The following LRRC49 variants were observed in gnomAD, a reference collection of about 807,000 sequenced individuals.
LRRC49 encodes the protein leucine-rich repeat-containing protein 49.
Under a neutral mutation model 83.3 loss-of-function variants are expected in LRRC49, and 50 were observed. That is an observed-to-expected ratio of 0.60 (90% CI 0.48 to 0.76). LRRC49 has a LOEUF of 0.76. Ranked by LOEUF, LRRC49 falls within the 30% of genes least tolerant of loss-of-function variation. The pLI is 0.00. For missense variants in LRRC49, 704 were observed against 809.1 expected (o/e 0.87, Z 1.58); for synonymous variants, 286 against 283.3 (o/e 1.01, Z -0.10).
chr15:71,026,937 T>C (rs2039192502), intron 14 of LRRC49, among the ~76,000 whole-genome samples: 10 of 152,220 alleles, frequency 6.6e-5, no homozygotes, highest in Admixed American at 6.5e-4. Context: ...GCAGAAGCTC[T>C]ATAGTTTGAT....
intron 2 of LRRC49, chr15:70,873,276 A>T: frequency 6.6e-7 from 1 of 1,514,732 alleles, no homozygotes; most frequent in Non-Finnish European, 8.9e-7. Context: ...ATACTCTGCT[A>T]TCCCCTCACT....
chr15:70,972,257 G>T (rs1236975151), intron 9 of LRRC49, among the ~76,000 whole-genome samples: 1 of 152,102 alleles, frequency 6.6e-6, no homozygotes, highest in Non-Finnish European at 1.5e-5. Flanking sequence ...TAGTTTGGCT[G>T]GATATGAAAT....
chr15:70,895,565 C>T (rs1391896090), intron 2 of LRRC49: 6 of 242,690 alleles, frequency 2.5e-5, no homozygotes, highest in Non-Finnish European at 4.7e-5. Flanking sequence ...CTATCTAGTT[C>T]CAGAATTTTT....
At chr15:70,948,226 C>T (rs2141175049) in intron 8 of LRRC49, among the ~76,000 whole-genome samples, 1 of 152,130 alleles carries the variant, frequency 6.6e-6, no homozygotes, top group East Asian at 1.9e-4. Flanking sequence ...GCATGGTTCT[C>T]CTGTCCCTCT....
chr15:70,959,585 GGAAGGAAGGA>G (rs2036533072), intron 8 of LRRC49, among the ~76,000 whole-genome samples: 1 of 143,698 alleles, frequency 7.0e-6, no homozygotes, highest in African/African-American at 2.6e-5. Flanking sequence ...AAGGAAGGAA[GGAAGGAAGGA>G]AGGAAGGGAG....
intron 1 of LRRC49, chr15:70,854,135 C>T: frequency 5.0e-6 from 6 of 1,204,164 alleles, no homozygotes; most frequent in Non-Finnish European, 6.2e-6. Flanking sequence ...CCGCAAGGCC[C>T]AGCCAGCCGG....
At chr15:70,871,128 A>T (rs2141076113) in intron 1 of LRRC49, among the ~76,000 whole-genome samples, 1 of 151,996 alleles carries the variant, frequency 6.6e-6, no homozygotes, top group Non-Finnish European at 1.5e-5. Context: ...GTCCCTGGGT[A>T]CTTGAGATTA....
intron 8 of LRRC49, among the ~76,000 whole-genome samples, chr15:70,954,242 A>G: frequency 6.6e-6 from 1 of 152,138 alleles, no homozygotes; most frequent in Admixed American, 6.5e-5. Context: ...CTTTTAATGC[A>G]TCCAATTGTA....
chr15:71,007,700 G>A (rs1340042416), intron 11 of LRRC49, among the ~76,000 whole-genome samples: 1 of 84,600 alleles, frequency 1.2e-5, no homozygotes, highest in Non-Finnish European at 2.3e-5. Flanking sequence ...AGTGCAGTAT[G>A]AGAAGCATGT....
intron 14 of LRRC49, among the ~76,000 whole-genome samples, chr15:71,026,603 A>G (rs2039180859): frequency 6.6e-6 from 1 of 152,202 alleles, no homozygotes; most frequent in African/African-American, 2.4e-5. Flanking sequence ...CTTCGCCAGC[A>G]TCTGTTGTTT....
intron 7 of LRRC49, among the ~76,000 whole-genome samples, chr15:70,932,696 G>GTTCTT (rs1156839899): frequency 7.1e-6 from 1 of 140,116 alleles, no homozygotes; most frequent in Non-Finnish European, 1.6e-5. Context: ...GAATCATTTA[G>GTTCTT]TTCTTTTCTT....
At chr15:71,001,713 G>A (rs1002527353) in intron 11 of LRRC49, among the ~76,000 whole-genome samples, 11 of 151,128 alleles carry the variant, frequency 7.3e-5, no homozygotes, top group African/African-American at 1.5e-4. Context: ...TTTGTGAGAC[G>A]GAGTCTCACG....
intron 15 of LRRC49, among the ~76,000 whole-genome samples, chr15:71,046,461 G>A (rs775468572): frequency 2.6e-5 from 4 of 152,138 alleles, no homozygotes; most frequent in Non-Finnish European, 5.9e-5. Context: ...TAGTGATGCT[G>A]AGCACTATTT....
chr15:70,987,792 T>C (rs1464621627), intron 11 of LRRC49, among the ~76,000 whole-genome samples: 2 of 152,208 alleles, frequency 1.3e-5, no homozygotes, highest in African/African-American at 4.8e-5. Context: ...AGTTTCCCTC[T>C]ACACACTGCT....
intron 11 of LRRC49, among the ~76,000 whole-genome samples, chr15:70,988,827 G>C (rs2037741621): frequency 6.6e-6 from 1 of 152,000 alleles, no homozygotes; most frequent in South Asian, 2.1e-4. Context: ...TTTAGGGCAG[G>C]CCTGGTGGTG....
At chr15:70,866,944 C>T (rs893102262) in intron 1 of LRRC49, among the ~76,000 whole-genome samples, 2 of 151,876 alleles carry the variant, frequency 1.3e-5, no homozygotes, top group East Asian at 1.9e-4. Flanking sequence ...CGACTCAAGG[C>T]CAAGTCTGGC....
intron 14 of LRRC49, among the ~76,000 whole-genome samples, chr15:71,032,755 C>T (rs972878753): frequency 6.6e-6 from 1 of 151,988 alleles, no homozygotes; most frequent in African/African-American, 2.4e-5. Flanking sequence ...AACTAAAGAC[C>T]AAAACCACAT....
chr15:70,913,308 TA>T (rs952310445), intron 6 of LRRC49, among the ~76,000 whole-genome samples: 8 of 152,310 alleles, frequency 5.3e-5, no homozygotes, highest in African/African-American at 1.4e-4. Context: ...ATGTAATTAA[TA>T]AAAACCTTGA....
chr15:70,948,864 G>T (rs966591891), intron 8 of LRRC49, among the ~76,000 whole-genome samples: 1 of 152,144 alleles, frequency 6.6e-6, no homozygotes, highest in Non-Finnish European at 1.5e-5. Context: ...ATGTATGTGT[G>T]TATGTGTGTA....
Sources: gnomAD v4.1 joint callset for allele counts (sites outside exome capture counted in the v4.1 genomes callset) on GRCh38, gnomAD v4.1.1 for gene constraint, MANE v1.5 for transcripts, NCBI Gene and HGNC (gene_info 2026-07-23, HGNC 2026-07-21) for gene names.